Variants in LDB2 observed in about 807,000 individuals in gnomAD.
LDB2 encodes LIM domain-binding protein 2.
A neutral mutation model predicts 44.3 loss-of-function variants in LDB2; 12 were observed. That is an observed-to-expected ratio of 0.27 (90% CI 0.17 to 0.44). The LOEUF (loss-of-function observed/expected upper bound fraction) is 0.44. Ranked by LOEUF, LDB2 falls within the 20% of genes least tolerant of loss-of-function variation. The pLI is 1.00. For missense variants in LDB2, 344 were observed against 473.5 expected (o/e 0.73, Z 2.54); for synonymous variants, 164 against 174.8 (o/e 0.94, Z 0.49).
At chr4:16,871,308 G>T (rs762228557) in intron 1 of LDB2, among the ~76,000 whole-genome samples, 2 of 152,136 alleles carry the variant, frequency 1.3e-5, no homozygotes, top group Non-Finnish European at 2.9e-5. Flanking sequence ...ACAGAAATTG[G>T]CAAATGCTAA....
chr4:16,630,142 T>G (rs547083913), intron 2 of LDB2, among the ~76,000 whole-genome samples: 1 of 152,270 alleles, frequency 6.6e-6, no homozygotes, highest in South Asian at 2.1e-4. Flanking sequence ...ACTGTCAGAT[T>G]CACCAAGGTG....
intron 1 of LDB2, among the ~76,000 whole-genome samples, chr4:16,821,374 G>T (rs1781931275): frequency 9.5e-5 from 2 of 21,124 alleles, no homozygotes; most frequent in South Asian, 7.3e-3. Flanking sequence ...TGGAATATTT[G>T]AATTTTTTTT....
At chr4:16,754,928 AC>A (rs892869415) in intron 2 of LDB2, among the ~76,000 whole-genome samples, 2 of 152,120 alleles carry the variant, frequency 1.3e-5, no homozygotes, top group African/African-American at 2.4e-5. Context: ...TTTGCATTGA[AC>A]CCCTGTTCCC....
At chr4:16,644,940 C>A (rs1578436540) in intron 2 of LDB2, among the ~76,000 whole-genome samples, 1 of 152,142 alleles carries the variant, frequency 6.6e-6, no homozygotes, top group South Asian at 2.1e-4. Context: ...CTTTAGGTAA[C>A]CTCATTTGCT....
rs559535319 is a variant in LDB2, at chr4:16,782,639, C to T, written c.133-23379G>A. 3.3e-5 allele frequency among the ~76,000 whole-genome samples: 5 copies of T among 152,258 alleles called. No individual in the cohort carries two copies. The South Asian group carries it at 6.2e-4, about 19-fold the overall frequency. The stretch of plus-strand genomic sequence containing the variant: ...TGTTGGCATTACAGGCGTGAGCCAC[C>T]ACGCCCAGCAAAATAAATACTTCTT... On this transcript the variant is annotated intron_variant, in intron 1 of 7. Coordinates refer to ENST00000304523, the MANE Select transcript of LDB2 (RefSeq NM_001290.5).
intron 5 of LDB2, among the ~76,000 whole-genome samples, chr4:16,536,731 A>G (rs961297360): frequency 6.6e-6 from 1 of 152,194 alleles, no homozygotes; most frequent in African/African-American, 2.4e-5. Context: ...AGGGAGTGTC[A>G]GGGCTGCTGA....
intron 1 of LDB2, among the ~76,000 whole-genome samples, chr4:16,872,630 CCTT>C (rs746055629): frequency 1.9e-4 from 29 of 152,260 alleles, no homozygotes; most frequent in Non-Finnish European, 3.8e-4. Context: ...GAGCAATAGA[CCTT>C]CTCAGATTCT....
intron 2 of LDB2, among the ~76,000 whole-genome samples, chr4:16,685,870 GA>G (rs1749116644): frequency 6.6e-6 from 1 of 152,038 alleles, no homozygotes; most frequent in South Asian, 2.1e-4. Context: ...CCAACACAGC[GA>G]AATCCCGTCT....
intron 2 of LDB2, chr4:16,674,343 T>C: frequency 5.4e-6 from 6 of 1,109,318 alleles, no homozygotes; most frequent in Non-Finnish European, 7.3e-6. Context: ...GTGCTCTTTG[T>C]CTCTGAGATG....
chr4:16,825,633 T>G (rs116256696), intron 1 of LDB2, among the ~76,000 whole-genome samples: 2,940 of 152,252 alleles, frequency 0.019, 106 homozygotes, highest in African/African-American at 0.062. Context: ...AGGTTTACAA[T>G]GTTTCCAATA....
At chr4:16,881,157 T>A (rs1057481207) in intron 1 of LDB2, among the ~76,000 whole-genome samples, 2 of 152,174 alleles carry the variant, frequency 1.3e-5, no homozygotes, top group African/African-American at 4.8e-5. Flanking sequence ...GGCCTCAGTG[T>A]CTTCATCTGT....
chr4:16,542,104 G>GT lies in LDB2; in HGVS notation c.616-30001_616-30000insA, dbSNP rs983487673. On this transcript the variant is annotated intron_variant, in intron 5 of 7. Transcript: ENST00000304523. Reference sequence around the variant, plus strand: ...TCCTTCCAATTACATCAGGTGGTGGGGGGGGGGGCGCGAGCAGGAGGGCAT... The same window carrying GT: ...TCCTTCCAATTACATCAGGTGGTGGGTGGGGGGGGCGCGAGCAGGAGGGCAT... Among the ~76,000 whole-genome samples the GT allele has an allele frequency of 2.0e-5, 3 of 147,620 alleles. 1 individual carries two copies. The highest frequency in any genetic ancestry group is 3.0e-5 in the Non-Finnish European group (2 of 67,110).
chr4:16,598,037 T>G (rs1398651814), intron 2 of LDB2, among the ~76,000 whole-genome samples: 2 of 152,184 alleles, frequency 1.3e-5, no homozygotes, highest in Non-Finnish European at 2.9e-5. Flanking sequence ...TGGTCCTGTT[T>G]AGACCATTAG....
At chr4:16,794,316 A>G (rs548529065) in intron 1 of LDB2, among the ~76,000 whole-genome samples, 113 of 152,206 alleles carry the variant, frequency 7.4e-4, no homozygotes, top group Non-Finnish European at 1.4e-3. Context: ...CTAAGGGAAC[A>G]GGTGGCTAAA....
At chr4:16,721,378 CT>C (rs1298612125) in intron 2 of LDB2, among the ~76,000 whole-genome samples, 1 of 152,112 alleles carries the variant, frequency 6.6e-6, no homozygotes, top group Non-Finnish European at 1.5e-5. Flanking sequence ...GTGTCCCCAC[CT>C]TTCTATGATC....
At chr4:16,540,635 G>A (rs578047953) in intron 5 of LDB2, among the ~76,000 whole-genome samples, 1 of 152,162 alleles carries the variant, frequency 6.6e-6, no homozygotes, top group South Asian at 2.1e-4. Flanking sequence ...AGTTCCTCTA[G>A]GGCAGAGCTG....
intron 2 of LDB2, among the ~76,000 whole-genome samples, chr4:16,621,147 A>G (rs980324424): frequency 6.6e-6 from 1 of 152,208 alleles, no homozygotes; most frequent in Non-Finnish European, 1.5e-5. Context: ...GGGTACCTAT[A>G]TAACATTCTA....
chr4:16,515,931 T>C (rs1046811131), intron 5 of LDB2, among the ~76,000 whole-genome samples: 1 of 152,162 alleles, frequency 6.6e-6, no homozygotes, highest in Non-Finnish European at 1.5e-5. Context: ...TGGTGTGATC[T>C]TGGCTCACCG....
chr4:16,590,737 A>T (rs913707478), intron 3 of LDB2, among the ~76,000 whole-genome samples: 1 of 152,234 alleles, frequency 6.6e-6, no homozygotes, highest in Admixed American at 6.5e-5. Context: ...TCCAATTAGC[A>T]GGACCTGTGG....
Sources: gnomAD v4.1 joint callset for allele counts (sites outside exome capture counted in the v4.1 genomes callset) on GRCh38, gnomAD v4.1.1 for gene constraint, MANE v1.5 for transcripts, NCBI Gene and HGNC (gene_info 2026-07-23, HGNC 2026-07-21) for gene names.